The following STOX1 variants were observed in gnomAD, a reference collection of about 807,000 sequenced individuals.
The protein encoded by STOX1 is storkhead-box protein 1.
Under a neutral mutation model 74.8 loss-of-function variants are expected in STOX1, and 57 were observed. The ratio of observed to expected loss-of-function variants is 0.76; its 90% CI spans 0.62 to 0.95. The LOEUF (loss-of-function observed/expected upper bound fraction) is 0.95, where lower values mean the gene tolerates loss of function less well. Ranked by LOEUF, STOX1 falls within the 40% of genes least tolerant of loss-of-function variation. The pLI is 0.00. For missense variants in STOX1, 1,010 were observed against 1,117.0 expected (o/e 0.90, Z 1.37); for synonymous variants, 375 against 401.3 (o/e 0.93, Z 0.78).
intron 3 of STOX1, among the ~76,000 whole-genome samples, chr10:68,889,219 G>A (rs552781967): frequency 2.4e-4 from 37 of 152,134 alleles, no homozygotes; most frequent in Non-Finnish European, 4.0e-4. Flanking sequence ...GGATTCTCCC[G>A]CTTCAGTCTC....
chr10:68,860,762 A>G (rs1009117293), intron 1 of STOX1, among the ~76,000 whole-genome samples: 1 of 152,026 alleles, frequency 6.6e-6, no homozygotes, highest in African/African-American at 2.4e-5. Flanking sequence ...ACAATAAAAT[A>G]TCACTGAATA....
At chr10:68,846,553 A>T (rs1024116916) in intron 1 of STOX1, among the ~76,000 whole-genome samples, 3 of 152,178 alleles carry the variant, frequency 2.0e-5, no homozygotes, top group Non-Finnish European at 4.4e-5. Flanking sequence ...CTTTTTGTCA[A>T]ATAGCAATTG....
At chr10:68,863,439 A>C (rs575434389) in intron 1 of STOX1, among the ~76,000 whole-genome samples, 11 of 152,190 alleles carry the variant, frequency 7.2e-5, no homozygotes, top group African/African-American at 2.7e-4. Flanking sequence ...GAAAAAAAAA[A>C]CAGATGAGGA....
chr10:68,889,277 C>T (rs548600725), intron 3 of STOX1, among the ~76,000 whole-genome samples: 1 of 152,190 alleles, frequency 6.6e-6, no homozygotes, highest in East Asian at 1.9e-4. Context: ...GGCCATCAGG[C>T]TAATTAAAAA....
intron 1 of STOX1, among the ~76,000 whole-genome samples, chr10:68,851,514 T>C (rs1302166546): frequency 6.6e-6 from 1 of 152,126 alleles, no homozygotes; most frequent in African/African-American, 2.4e-5. Context: ...AATGTATGAA[T>C]GTACCAGATT....
intron 1 of STOX1, among the ~76,000 whole-genome samples, chr10:68,857,523 C>T (rs1225263833): frequency 6.6e-6 from 1 of 152,080 alleles, no homozygotes; most frequent in Non-Finnish European, 1.5e-5. Flanking sequence ...TAAACACACG[C>T]TCAGAGTTAG....
rs375938342 is a variant in STOX1, at chr10:68,886,251, G to A, written c.2455G>A (p.Ala819Thr). The change falls in exon 3 of 4, where the codon GCT (alanine) becomes ACT (threonine). Residue 819 changes from alanine (A) to threonine (T), a missense_variant. Transcript: ENST00000298596. The part of the protein sequence containing the change: ...PGESQEPNLS[A>T]ESCGLNSGAQ... ...TGAAAGCCAAGAACCTAACCTCTCT[G>A]CTGAAAGTTGTGGCCTAAATTCAGG... 3 of 1,614,100 alleles carry A rather than the reference G, an allele frequency of 1.9e-6. No individual in the cohort carries two copies. In the African/African-American group the frequency reaches 4.0e-5, roughly 22 times the overall value.
At chr10:68,887,632 C>T (rs1423718091) in intron 3 of STOX1, among the ~76,000 whole-genome samples, 1 of 141,816 alleles carries the variant, frequency 7.1e-6, no homozygotes, top group East Asian at 2.1e-4. Flanking sequence ...GTTTTGCTGT[C>T]GTCCAGGCTG....
intron 1 of STOX1, among the ~76,000 whole-genome samples, chr10:68,865,638 G>A (rs1451051229): frequency 6.6e-6 from 1 of 152,178 alleles, no homozygotes; most frequent in Non-Finnish European, 1.5e-5. Flanking sequence ...GACAGAGTGA[G>A]ACTCCATCTC....
chr10:68,893,901 C>CACTCA (rs1427569156), downstream of STOX1, among the ~76,000 whole-genome samples: 1 of 152,112 alleles, frequency 6.6e-6, no homozygotes, highest in Admixed American at 6.5e-5. Flanking sequence ...GGTCCATTTC[C>CACTCA]ACTCATGGTA....
chr10:68,830,008 G>A (rs1031497386), intron 1 of STOX1, among the ~76,000 whole-genome samples: 4 of 152,176 alleles, frequency 2.6e-5, no homozygotes, highest in Non-Finnish European at 5.9e-5. Context: ...GAGGGAGTGG[G>A]ATGCAGGGTG....
chr10:68,842,474 G>A (rs1696953817), intron 1 of STOX1, among the ~76,000 whole-genome samples: 1 of 151,548 alleles, frequency 6.6e-6, no homozygotes. Context: ...TGAGGAAAAG[G>A]TATGCAAAGT....
chr10:68,880,403 A>T (rs1427222328), intron 1 of STOX1, among the ~76,000 whole-genome samples: 2 of 152,036 alleles, frequency 1.3e-5, no homozygotes, highest in Admixed American at 6.5e-5. Context: ...GCTGATCTGG[A>T]ATTCCTGGCC....
At chr10:68,864,254 C>T (rs1010932279) in intron 1 of STOX1, among the ~76,000 whole-genome samples, 6 of 152,062 alleles carry the variant, frequency 3.9e-5, no homozygotes, top group Admixed American at 2.0e-4. Context: ...AAGTATAGGC[C>T]GTCCGAAAAA....
chr10:68,851,318 A>G (rs1424732319), intron 1 of STOX1, among the ~76,000 whole-genome samples: 1 of 150,502 alleles, frequency 6.6e-6, no homozygotes, highest in African/African-American at 2.5e-5. Context: ...AAAAAAAAAG[A>G]AAAAAGAGTG....
intron 1 of STOX1, among the ~76,000 whole-genome samples, chr10:68,834,930 G>C (rs1191273933): frequency 6.6e-6 from 1 of 152,090 alleles, no homozygotes; most frequent in Admixed American, 6.6e-5. Context: ...CTCCATGTTG[G>C]CCAGGCTGGT....
chr10:68,893,290 T>C (rs1421404820), downstream of STOX1, among the ~76,000 whole-genome samples: 3 of 152,360 alleles, frequency 2.0e-5, no homozygotes, highest in South Asian at 6.2e-4. Flanking sequence ...CCTTTAATCA[T>C]TGCTGCCCAG....
intron 1 of STOX1, among the ~76,000 whole-genome samples, chr10:68,837,386 C>T (rs942682931): frequency 6.6e-6 from 1 of 152,196 alleles, no homozygotes; most frequent in African/African-American, 2.4e-5. Flanking sequence ...GAGTATGGAG[C>T]GGGAGGTGGG....
chr10:68,849,259 CCCTAACTG>C (rs765226778), intron 1 of STOX1, among the ~76,000 whole-genome samples: 27 of 152,138 alleles, frequency 1.8e-4, no homozygotes, highest in Non-Finnish European at 5.9e-5. Context: ...CTAACTTCTC[CCCTAACTG>C]GCCAGCTCCT....
Sources: allele counts gnomAD v4.1 joint callset (sites outside exome capture counted in the v4.1 genomes callset), GRCh38; gene constraint gnomAD v4.1.1; transcripts MANE v1.5; gene names NCBI Gene and HGNC (gene_info 2026-07-23, HGNC 2026-07-21).